Variants in HEATR4 observed in about 807,000 individuals in gnomAD.
HEATR4 encodes the protein HEAT repeat containing 4.
Under a neutral mutation model 108.8 loss-of-function variants are expected in HEATR4, and 95 were observed. That is an observed-to-expected ratio of 0.87 (90% CI 0.74 to 1.04). HEATR4 has a LOEUF of 1.04. Ranked by LOEUF, HEATR4 falls within the 50% of genes least tolerant of loss-of-function variation. The probability of loss-of-function intolerance (pLI) is 0.00; values close to 1 mark genes in which losing one functional copy is unlikely to be tolerated. For synonymous variants in HEATR4, 443 were observed against 459.4 expected, an observed-to-expected ratio of 0.96 and a Z score of 0.46; for missense variants, 1,152 against 1,253.8, an observed-to-expected ratio of 0.92 and a Z score of 1.23.
intron 3 of HEATR4, among the ~76,000 whole-genome samples, chr14:73,521,434 C>T (rs1371766884): frequency 1.3e-5 from 2 of 152,220 alleles, no homozygotes; most frequent in African/African-American, 4.8e-5. Context: ...TGTCCATCCA[C>T]CTGGTGGTGG....
At chr14:73,593,373 C>G in the HEATR4 span, among the ~76,000 whole-genome samples, 2 of 112,986 alleles carry the variant, frequency 1.8e-5, no homozygotes, top group Admixed American at 1.3e-4. Flanking sequence ...GTGTCTGTCT[C>G]TGTTGCCCAC....
chr14:73,488,745 G>A (rs1236329659), intron 17 of HEATR4, among the ~76,000 whole-genome samples: 1 of 152,054 alleles, frequency 6.6e-6, no homozygotes, highest in East Asian at 1.9e-4. Context: ...AGAGACAGTC[G>A]GGCACCGCGG....
At chr14:73,582,899 A>C in the HEATR4 span, 1 of 152,060 alleles carries the variant, frequency 6.6e-6, no homozygotes, top group Non-Finnish European at 1.5e-5. Flanking sequence ...TTTCCTTTGC[A>C]ATAAATTACT....
At chr14:73,617,710 A>AT in the HEATR4 span, among the ~76,000 whole-genome samples, 1 of 152,130 alleles carries the variant, frequency 6.6e-6, no homozygotes, top group Non-Finnish European at 1.5e-5. Context: ...ATAAAGAGAT[A>AT]TTTTTTGAGA....
chr14:73,602,425 G>A, the HEATR4 span, among the ~76,000 whole-genome samples: 6 of 152,088 alleles, frequency 3.9e-5, no homozygotes, highest in Non-Finnish European at 7.4e-5. Flanking sequence ...TTATTTACTG[G>A]GACATCTAGA....
At chr14:73,561,950 C>T (rs562001009), upstream of HEATR4, among the ~76,000 whole-genome samples, 92 of 152,166 alleles carry the variant, frequency 6.0e-4, 2 homozygotes, top group Non-Finnish European at 1.0e-3. Flanking sequence ...TGCCACTGCA[C>T]TCCAGAGCCT....
chr14:73,633,167 G>A, the HEATR4 span, among the ~76,000 whole-genome samples: 1 of 151,910 alleles, frequency 6.6e-6, no homozygotes, highest in Non-Finnish European at 1.5e-5. Flanking sequence ...ACCACGCCTG[G>A]CTAATTTTTG....
chr14:73,573,247 G>C, the HEATR4 span: 1 of 1,295,636 alleles, frequency 7.7e-7, no homozygotes, highest in South Asian at 1.2e-5. Flanking sequence ...GTTTCTGGAC[G>C]AACAGGTTTT....
upstream of HEATR4, among the ~76,000 whole-genome samples, chr14:73,559,908 G>C (rs1251747475): frequency 1.3e-5 from 2 of 152,040 alleles, no homozygotes; most frequent in Admixed American, 6.6e-5. Flanking sequence ...AGTAGAAGCT[G>C]TCCGTCGACT....
intron 5 of HEATR4, among the ~76,000 whole-genome samples, chr14:73,518,753 T>C (rs1887788260): frequency 6.6e-6 from 1 of 152,172 alleles, no homozygotes; most frequent in Non-Finnish European, 1.5e-5. Context: ...AGCTGCCTTA[T>C]TGGTAACTAG....
chr14:73,631,603 G>T, the HEATR4 span: 1 of 164,342 alleles, frequency 6.1e-6, no homozygotes, highest in South Asian at 1.6e-4. Flanking sequence ...CCTAACCTAA[G>T]ACCCCAGAAG....
Position 73,532,819 on chromosome 14 carries a change from G to C in HEATR4, c.-151-2575C>G, listed in dbSNP as rs1266916593. ...ACATACAAAAAAATTAGCCGGGTGT[G>C]GTGGTGGGCACCTGTAGTCCCAGCT... On this transcript the variant is annotated intron_variant, in intron 1 of 17. Transcript: ENST00000553558. Among the ~76,000 whole-genome samples, 4 of 113,154 alleles carry C rather than the reference G, an allele frequency of 3.5e-5. 2 individuals are homozygous for C. Among genetic ancestry groups the C allele is most frequent in the Non-Finnish European group, 7.7e-5 (4 of 52,168 alleles). The allele number at this position is 113,154 out of a possible 152,430, so 74.2% of individuals were successfully genotyped here.
chr14:73,619,282 CTG>C, the HEATR4 span: 1 of 1,609,262 alleles, frequency 6.2e-7, no homozygotes, highest in Non-Finnish European at 8.5e-7. Context: ...AGGAGGTGAC[CTG>C]TGTCTCTCAA....
In HEATR4 at chr14:73,522,860, T is replaced by C. The variant is rs1457918949; in HGVS notation, c.293A>G (p.Asn98Ser). Residue 98 changes from asparagine (N) to serine (S), a missense_variant, in exon 3 of 18, where the codon AAT (asparagine) becomes AGT (serine). Coordinates refer to ENST00000553558, the MANE Select transcript of HEATR4 (RefSeq NM_001220484.1). ...GGGAGTATGGATGATGTCATTGGTATTGTAGAGGTGGTCAAAGCTGTACTG... is the reference window on the plus strand; with the variant it reads ...GGGAGTATGGATGATGTCATTGGTACTGTAGAGGTGGTCAAAGCTGTACTG... ...YSQYSFDHLY[N>S]TNDIIHTPQI... 6.2e-7 allele frequency: 1 copy of C among 1,614,002 alleles called. No homozygotes were observed. The highest frequency in any genetic ancestry group is 8.5e-7 in the Non-Finnish European group (1 of 1,180,030).
the HEATR4 span, among the ~76,000 whole-genome samples, chr14:73,606,473 T>C: frequency 6.6e-6 from 1 of 152,106 alleles, no homozygotes; most frequent in Admixed American, 6.5e-5. Context: ...GCTGGCTCTG[T>C]GTGAATTACT....
At chr14:73,483,605 C>A (rs1206674904) in intron 17 of HEATR4, among the ~76,000 whole-genome samples, 1 of 151,914 alleles carries the variant, frequency 6.6e-6, no homozygotes, top group African/African-American at 2.4e-5. Context: ...GGATAAAATT[C>A]TGTGTGGAAG....
At chr14:73,612,555 G>A in the HEATR4 span, 1 of 1,352,210 alleles carries the variant, frequency 7.4e-7, no homozygotes, top group South Asian at 1.6e-5. Context: ...GGTCGCCCCT[G>A]TTCTACCCAG....
the HEATR4 span, among the ~76,000 whole-genome samples, chr14:73,624,996 C>T: frequency 3.9e-5 from 6 of 152,164 alleles, no homozygotes; most frequent in Non-Finnish European, 8.8e-5. Context: ...CATGTGCTCA[C>T]TTTGTGTCTC....
Position 73,492,071 on chromosome 14 carries a change from G to T in HEATR4, c.2844+995C>A. The T allele has an allele frequency of 6.2e-7, 1 of 1,613,996 alleles. No individual in the cohort carries two copies. Among genetic ancestry groups the T allele is most frequent in the African/African-American group, 1.3e-5 (1 of 75,054 alleles). On this transcript the variant is annotated intron_variant, in intron 17 of 17. Coordinates refer to ENST00000553558, the MANE Select transcript of HEATR4 (RefSeq NM_001220484.1). The surrounding 1 kb of genome is among the most constrained non-coding windows in gnomAD (Gnocchi z 4.9). ...CATCGAGGCCTTCGTGCTGCAGCTG[G>T]AAGGTAGGAAACTCTGGCGTGTATA...
Sources: gnomAD v4.1 joint callset for allele counts (sites outside exome capture counted in the v4.1 genomes callset) on GRCh38, gnomAD v4.1.1 for gene constraint, Gnocchi (gnomAD v3.1) non-coding constraint, MANE v1.5 for transcripts, NCBI Gene and HGNC (gene_info 2026-07-23, HGNC 2026-07-21) for gene names.